IQSEC3: variants seen among roughly 807,000 people sequenced by gnomAD.
IQSEC3 encodes the protein IQ motif and SEC7 domain-containing protein 3.
A neutral mutation model predicts 105.4 loss-of-function variants in IQSEC3; 50 were observed. The observed-to-expected ratio is 0.47, with a 90% CI of 0.38 to 0.60. The LOEUF is 0.60. Among genes scored for constraint, IQSEC3 ranks in the 20% least tolerant of loss-of-function variants. The pLI is 0.00. For missense variants in IQSEC3, 1,415 were observed against 1,630.0 expected, an observed-to-expected ratio of 0.87 and a Z score of 2.27; for synonymous variants, 708 against 746.0, an observed-to-expected ratio of 0.95 and a Z score of 0.83.
At chr12:88,249 C>T (rs2136898353) in intron 1 of IQSEC3, among the ~76,000 whole-genome samples, 1 of 152,288 alleles carries the variant, frequency 6.6e-6, no homozygotes, top group Middle Eastern at 3.4e-3. Context: ...TCCTCTTAAC[C>T]TTAATAAGGT....
At chr12:104,949 C>T (rs1032282442) in intron 2 of IQSEC3, among the ~76,000 whole-genome samples, 1 of 152,268 alleles carries the variant, frequency 6.6e-6, no homozygotes, top group Non-Finnish European at 1.5e-5. Context: ...TGGGCTGGGG[C>T]GCCGCGGCCT....
chr12:170,997 T>C, intron 12 of IQSEC3, 115 bp from the exon 13 acceptor site: 1 of 1,289,794 alleles, frequency 7.8e-7, no homozygotes, highest in Non-Finnish European at 1.1e-6. Context: ...TCCGCCTCAG[T>C]GAGGAGCAGT....
In IQSEC3 at chr12:133,606, G is replaced by A. The variant is rs1294649254; in HGVS notation, c.904-4661G>A. ...TCAGGGCAGGGTTGGGTCAGCATCT[G>A]GCCTTTGCTCCTGGAGTGAGGCACA... On this transcript the variant is annotated intron_variant, in intron 3 of 13. Coordinates refer to ENST00000538872, the MANE Select transcript of IQSEC3 (RefSeq NM_001170738.2). 3.9e-5 allele frequency among the ~76,000 whole-genome samples: 6 copies of A among 152,228 alleles called. No homozygotes were observed. The East Asian group carries it at 9.6e-4, about 24-fold the overall frequency.
At chr12:153,630 G>A (rs1555093270) in intron 5 of IQSEC3, among the ~76,000 whole-genome samples, 1 of 152,196 alleles carries the variant, frequency 6.6e-6, no homozygotes. Flanking sequence ...GATACCCTGT[G>A]GTGGCAAATG....
intron 7 of IQSEC3, among the ~76,000 whole-genome samples, chr12:158,424 G>A (rs868988490): frequency 4.6e-5 from 7 of 152,236 alleles, no homozygotes; most frequent in Non-Finnish European, 4.4e-5. Flanking sequence ...GACTGTGAGT[G>A]TGTAAGCCTG....
intron 1 of IQSEC3, among the ~76,000 whole-genome samples, chr12:71,237 A>G (rs1863304283): frequency 1.3e-5 from 2 of 152,406 alleles, no homozygotes; most frequent in Admixed American, 6.5e-5. Flanking sequence ...GCATGCTTGA[A>G]GGTGATAGCT....
At position 99,136 on chromosome 12, in the gene IQSEC3, C is replaced by T. The variant is rs1395495199; in HGVS notation, c.555-10C>T. The T allele has an allele frequency of 6.3e-7, 1 of 1,597,768 alleles. No individual in the cohort carries two copies. The highest frequency in any genetic ancestry group is 8.5e-7 in the Non-Finnish European group (1 of 1,179,210). On this transcript the variant is annotated splice_polypyrimidine_tract_variant and intron_variant, in intron 1 of 13. Coordinates refer to ENST00000538872, the MANE Select transcript of IQSEC3 (RefSeq NM_001170738.2). ...TCAGGCGCTCTGATCTCCCTCTGCT[C>T]TGCCCGCAGGAATGAGACCGTGCTG...
intron 2 of IQSEC3, among the ~76,000 whole-genome samples, chr12:117,463 T>G (rs1179799453): frequency 2.0e-5 from 3 of 152,182 alleles, no homozygotes; most frequent in Non-Finnish European, 4.4e-5. Context: ...AGGCGGTGCC[T>G]GAGGAGGCCT....
intron 3 of IQSEC3, among the ~76,000 whole-genome samples, chr12:130,479 C>T (rs1276130822): frequency 1.5e-4 from 23 of 152,332 alleles, no homozygotes; most frequent in African/African-American, 5.5e-4. Context: ...TACCTTCCAC[C>T]ATCTCTTGGC....
chr12:126,030 G>A (rs540339935), intron 3 of IQSEC3, 118 bp downstream of exon 3: 1 of 1,076,640 alleles, frequency 9.3e-7, no homozygotes, highest in South Asian at 1.6e-5. Context: ...CACCTCTTTT[G>A]CCACAGTTCT....
At chr12:86,532 C>A (rs555694776) in intron 1 of IQSEC3, among the ~76,000 whole-genome samples, 21 of 152,200 alleles carry the variant, frequency 1.4e-4, no homozygotes, top group African/African-American at 5.1e-4. Flanking sequence ...CACAATAAGC[C>A]TTCGAGATAG....
intron 11 of IQSEC3, chr12:166,199 G>A (rs1334338075): frequency 5.4e-6 from 2 of 367,354 alleles, no homozygotes; most frequent in Non-Finnish European, 9.8e-6. Context: ...AAGCGAGCTG[G>A]CCAGGCAGGC....
chr12:101,181 G>A (rs1401271722), intron 2 of IQSEC3, among the ~76,000 whole-genome samples: 1 of 152,140 alleles, frequency 6.6e-6, no homozygotes, highest in Non-Finnish European at 1.5e-5. Context: ...CTCTCAGCCT[G>A]CAAGCTCGCT....
At chr12:99,541 G>A (rs553659025) in intron 2 of IQSEC3, among the ~76,000 whole-genome samples, 45 of 152,348 alleles carry the variant, frequency 3.0e-4, no homozygotes, top group Admixed American at 1.2e-3. Flanking sequence ...TCTCTCACAC[G>A]GTAGGGTGCC....
Position 128,006 on chromosome 12 carries a change from G to T in IQSEC3, c.903+2094G>T, listed in dbSNP as rs554194038. On this transcript the variant is annotated intron_variant, in intron 3 of 13. Coordinates refer to ENST00000538872, the MANE Select transcript of IQSEC3 (RefSeq NM_001170738.2). ...TTGGGCAAGTTGCTTGACTTCTCTG[G>T]CCTCAGCTGCCTCCTATGTCTGGGA... is the stretch of plus-strand genomic sequence containing the variant. Among the ~76,000 whole-genome samples, 18 of 152,276 alleles carry T rather than the reference G, an allele frequency of 1.2e-4. No individual in the cohort carries two copies. The South Asian group carries it at 2.1e-3, about 18-fold the overall frequency.
intron 9 of IQSEC3, 142 bp from the exon 10 acceptor site, chr12:165,292 A>G (rs1280224796): frequency 2.9e-6 from 2 of 682,714 alleles, no homozygotes; most frequent in Non-Finnish European, 5.3e-6. Flanking sequence ...TAGTGTGTGC[A>G]CATATATGTA....
rs542505344 is a variant in IQSEC3 at position 132,309 on chromosome 12, A to C, written c.904-5958A>C. Among the ~76,000 whole-genome samples the C allele has an allele frequency of 2.6e-5, 4 of 152,262 alleles. No homozygotes were observed. In the South Asian group the frequency reaches 6.2e-4, roughly 24 times the overall value. On this transcript the variant is annotated intron_variant, in intron 3 of 13. Transcript: ENST00000538872. ...GGAGAGCAGGCAGGAGCTGCTGAGC[A>C]ATGTGGACTTTGTGGAGTAGGACTT...
At chr12:109,554 G>A (rs143808249) in intron 2 of IQSEC3, among the ~76,000 whole-genome samples, 52 of 152,098 alleles carry the variant, frequency 3.4e-4, no homozygotes, top group East Asian at 3.9e-4. Context: ...AGTCTTTGCC[G>A]TACGCAACCC....
chr12:81,385 G>A (rs543960043), intron 1 of IQSEC3, among the ~76,000 whole-genome samples: 2 of 152,186 alleles, frequency 1.3e-5, no homozygotes, highest in Admixed American at 6.5e-5. Context: ...GACTGAAGAG[G>A]GAAGAAAGGC....
Sources: allele counts gnomAD v4.1 joint callset (sites outside exome capture counted in the v4.1 genomes callset), GRCh38; gene constraint gnomAD v4.1.1; transcripts MANE v1.5; gene names NCBI Gene and HGNC (gene_info 2026-07-23, HGNC 2026-07-21).